The following TMEM45B variants were observed in gnomAD, a reference collection of about 807,000 sequenced individuals.
The protein encoded by TMEM45B is transmembrane protein 45B.
In TMEM45B, 29 loss-of-function variants were observed where a neutral mutation model predicts 27.3. The observed-to-expected ratio is 1.06, with a 90% CI of 0.79 to 1.45. TMEM45B has a LOEUF of 1.45. TMEM45B is among the 40% of genes most tolerant of loss of function. The pLI, the probability that TMEM45B is intolerant of heterozygous loss-of-function variation, is 0.00. For missense variants in TMEM45B, 348 were observed against 343.9 expected (o/e 1.01, Z -0.09); for synonymous variants, 143 against 134.7 (o/e 1.06, Z -0.43).
chr11:129,824,748 A>C (rs1315783671), intron 1 of TMEM45B, among the ~76,000 whole-genome samples: 1 of 152,238 alleles, frequency 6.6e-6, no homozygotes, highest in Admixed American at 6.5e-5. Context: ...GTCACTATAT[A>C]ATTTTAATAT....
At chr11:129,848,878 C>T (rs576863539) in intron 1 of TMEM45B, among the ~76,000 whole-genome samples, 40 of 152,122 alleles carry the variant, frequency 2.6e-4, no homozygotes, top group Non-Finnish European at 4.7e-4. Flanking sequence ...GAAGCAACTC[C>T]CTCCATTCAG....
At position 129,854,648 on chromosome 11, in the gene TMEM45B, C is replaced by A. The variant is rs750327719; in HGVS notation, c.217C>A (p.Leu73Met). 1.2e-6 allele frequency: 2 copies of A among 1,614,112 alleles called. No individual in the cohort carries two copies. The highest frequency in any genetic ancestry group is 4.5e-5 in the East Asian group (2 of 44,898). ...AEQFVPDGPHLHLYHENHWIK... is the reference protein window; with the variant it reads ...AEQFVPDGPHMHLYHENHWIK... The stretch of plus-strand genomic sequence containing the variant: ...GCAGTTTGTTCCGGATGGGCCCCAC[C>A]TGCACCTCTACCATGAGAACCACTG... The change falls in exon 3 of 6, where the codon CTG becomes ATG. Residue 73 changes from leucine to methionine, a missense_variant. By Grantham distance (15) the Leu-to-Met change is conservative (BLOSUM62 2). Transcript: ENST00000281441.
intron 1 of TMEM45B, among the ~76,000 whole-genome samples, chr11:129,820,106 G>C (rs2135549357): frequency 6.6e-6 from 1 of 151,868 alleles, no homozygotes; most frequent in East Asian, 2.0e-4. Context: ...CTGAGGTCAG[G>C]AGTTCAAGAC....
intron 1 of TMEM45B, among the ~76,000 whole-genome samples, chr11:129,822,085 T>C (rs1947426101): frequency 6.6e-6 from 1 of 152,202 alleles, no homozygotes; most frequent in African/African-American, 2.4e-5. Context: ...TATCCCATGT[T>C]TTTTTAGTTC....
chr11:129,828,446 C>A (rs1209833922), intron 1 of TMEM45B, among the ~76,000 whole-genome samples: 1 of 152,142 alleles, frequency 6.6e-6, no homozygotes, highest in East Asian at 1.9e-4. Context: ...CTCCTCAGGC[C>A]CCTGAGCCCA....
In TMEM45B at chr11:129,837,585, C is replaced by CTTTT. The variant is rs200040338; in HGVS notation, c.-8-14878_-8-14875dup. Among the ~76,000 whole-genome samples the CTTTT allele has an allele frequency of 1.2e-4, 10 of 80,286 alleles. 1 individual carries two copies. Among genetic ancestry groups the CTTTT allele is most frequent in the East Asian group, 9.1e-4 (2 of 2,186 alleles). 52.7% of individuals were successfully genotyped at this position (80,286 alleles called of 152,430 possible). A position where few individuals can be genotyped will look rare whatever the true frequency, so the allele number is the denominator to read the frequency against. The stretch of plus-strand genomic sequence containing the variant: ...TACAGGCATGAGCCACTGCACTGGG[C>CTTTT]TTTTTTTTTTTTTTTGAGACAGGGT... On this transcript the variant is annotated intron_variant, in intron 1 of 5. Coordinates refer to ENST00000281441, the MANE Select transcript of TMEM45B (RefSeq NM_138788.5).
chr11:129,845,313 G>A (rs1213224188), intron 1 of TMEM45B, among the ~76,000 whole-genome samples: 1 of 140,588 alleles, frequency 7.1e-6, no homozygotes, highest in South Asian at 2.2e-4. Flanking sequence ...ATGAAGGAAG[G>A]GGTAGGAAAT....
chr11:129,819,234 A>C (rs540990081), intron 1 of TMEM45B, among the ~76,000 whole-genome samples: 53 of 152,372 alleles, frequency 3.5e-4, no homozygotes, highest in African/African-American at 1.2e-3. Context: ...TGTCAGATAA[A>C]CATCTGAAAA....
intron 1 of TMEM45B, among the ~76,000 whole-genome samples, chr11:129,826,137 C>T (rs2249351): frequency 0.91 from 137,917 of 152,070 alleles, 62,778 homozygotes; most frequent in East Asian, 1. Context: ...TCTCCATGAC[C>T]AAAACTTGCT....
At chr11:129,836,641 A>C (rs558598101) in intron 1 of TMEM45B, among the ~76,000 whole-genome samples, 6 of 152,324 alleles carry the variant, frequency 3.9e-5, no homozygotes, top group Non-Finnish European at 8.8e-5. Flanking sequence ...ATGTCCTTAT[A>C]AGAACACAGA....
Position 129,815,894 on chromosome 11 carries a change from C to G in TMEM45B, c.-13C>G, listed in dbSNP as rs1947343702. The G allele has an allele frequency of 7.7e-7, 1 of 1,299,984 alleles. No homozygotes were observed. Among genetic ancestry groups the G allele is most frequent in the African/African-American group, 1.5e-5 (1 of 64,838 alleles). The allele number at this position is 1,299,984 out of a possible 1,614,324, so 80.5% of individuals were successfully genotyped here. A position where few individuals can be genotyped will look rare whatever the true frequency, so the allele number is the denominator to read the frequency against. ...CTGCAGACGGCTGCGAGGCGCTGGG[C>G]ACAGGTCAGACGTCCGTACCCGCAG... On this transcript the variant is annotated 5_prime_UTR_variant, in exon 1 of 6. Transcript: ENST00000281441.
intron 1 of TMEM45B, among the ~76,000 whole-genome samples, chr11:129,830,052 C>G (rs1947529950): frequency 6.6e-6 from 1 of 152,204 alleles, no homozygotes; most frequent in Non-Finnish European, 1.5e-5. Context: ...GATCAGAGGT[C>G]AGGTGCAGTG....
At chr11:129,856,555 C>CTTTTTT (rs1467854451) in intron 4 of TMEM45B, among the ~76,000 whole-genome samples, 3 of 97,924 alleles carry the variant, frequency 3.1e-5, no homozygotes, top group African/African-American at 8.2e-5. Flanking sequence ...AAGCTGAAGC[C>CTTTTTT]TTTTTTTTTT....
intron 1 of TMEM45B, among the ~76,000 whole-genome samples, chr11:129,831,052 G>A (rs966562607): frequency 2.0e-5 from 3 of 152,062 alleles, no homozygotes; most frequent in African/African-American, 7.2e-5. Context: ...TTTTTTCCTA[G>A]ATGTATATAC....
chr11:129,851,498 C>G (rs918834464), intron 1 of TMEM45B, among the ~76,000 whole-genome samples: 3 of 132,280 alleles, frequency 2.3e-5, no homozygotes, highest in Non-Finnish European at 4.8e-5. Flanking sequence ...GAGCCAAGAT[C>G]GTGCCACTGC....
chr11:129,822,202 C>T (rs1947427300), intron 1 of TMEM45B, among the ~76,000 whole-genome samples: 1 of 152,184 alleles, frequency 6.6e-6, no homozygotes, highest in South Asian at 2.1e-4. Flanking sequence ...ATGGTTTTTA[C>T]AGTATCCTGT....
chr11:129,834,292 G>A (rs368123170), intron 1 of TMEM45B, among the ~76,000 whole-genome samples: 5 of 151,840 alleles, frequency 3.3e-5, no homozygotes, highest in South Asian at 2.1e-4. Flanking sequence ...TTATCCAGGC[G>A]TGGTGGCGTG....
At chr11:129,829,505 G>A (rs1473291321) in intron 1 of TMEM45B, among the ~76,000 whole-genome samples, 1 of 152,188 alleles carries the variant, frequency 6.6e-6, no homozygotes, top group Admixed American at 6.5e-5. Flanking sequence ...GGTTTTGCTT[G>A]TAAAGAAGGT....
chr11:129,848,680 G>C (rs1192207475), intron 1 of TMEM45B, among the ~76,000 whole-genome samples: 1 of 152,166 alleles, frequency 6.6e-6, no homozygotes, highest in African/African-American at 2.4e-5. Flanking sequence ...TACATTCCGG[G>C]GTGGTCTTTT....
Sources: gnomAD v4.1 joint callset for allele counts (sites outside exome capture counted in the v4.1 genomes callset) on GRCh38, gnomAD v4.1.1 for gene constraint, MANE v1.5 for transcripts, NCBI Gene and HGNC (gene_info 2026-07-23, HGNC 2026-07-21) for gene names.